Variants in GRID2 observed in about 807,000 individuals in gnomAD.
The protein encoded by GRID2 is glutamate receptor ionotropic, delta-2.
Under a neutral mutation model 114.8 loss-of-function variants are expected in GRID2, and 33 were observed. That is an observed-to-expected ratio of 0.29 (90% CI 0.22 to 0.38). The LOEUF (loss-of-function observed/expected upper bound fraction) is 0.38. Ranked by LOEUF, GRID2 falls within the 10% of genes least tolerant of loss-of-function variation. The pLI is 1.00. For synonymous variants in GRID2, 505 were observed against 449.9 expected (o/e 1.12, Z -1.55); for missense variants, 1,184 against 1,257.7 (o/e 0.94, Z 0.89).
intron 13 of GRID2, among the ~76,000 whole-genome samples, chr4:93,570,933 G>T (rs1735875141): frequency 6.6e-6 from 1 of 152,090 alleles, no homozygotes; most frequent in Non-Finnish European, 1.5e-5. Context: ...AATCCCTAAA[G>T]AAAACTACTT....
intron 14 of GRID2, among the ~76,000 whole-genome samples, chr4:93,739,395 T>C (rs1731187721): frequency 6.6e-6 from 1 of 152,054 alleles, no homozygotes; most frequent in Non-Finnish European, 1.5e-5. Flanking sequence ...TTGCACCCCC[T>C]CATCATGCCA....
intron 2 of GRID2, among the ~76,000 whole-genome samples, chr4:92,851,104 C>A (rs1743753871): frequency 6.6e-6 from 1 of 151,848 alleles, no homozygotes; most frequent in Non-Finnish European, 1.5e-5. Context: ...GTTTCAATAG[C>A]AAATATCCTT....
chr4:93,163,658 A>T (rs1402342045), intron 4 of GRID2, among the ~76,000 whole-genome samples: 1 of 151,462 alleles, frequency 6.6e-6, no homozygotes, highest in Non-Finnish European at 1.5e-5. Flanking sequence ...TATATTTTTT[A>T]TGATGGGCTG....
At chr4:93,236,993 G>A (rs979540799) in intron 7 of GRID2, among the ~76,000 whole-genome samples, 1 of 151,954 alleles carries the variant, frequency 6.6e-6, no homozygotes, top group African/African-American at 2.4e-5. Flanking sequence ...TTCTGTACAT[G>A]TATTATAAGA....
At chr4:92,927,683 C>A (rs1017807845) in intron 2 of GRID2, among the ~76,000 whole-genome samples, 1 of 151,710 alleles carries the variant, frequency 6.6e-6, no homozygotes, top group East Asian at 1.9e-4. Flanking sequence ...ATCCAAAAGA[C>A]AGAGCCATCA....
chr4:92,519,539 C>T (rs1724666533), intron 1 of GRID2, among the ~76,000 whole-genome samples: 1 of 151,108 alleles, frequency 6.6e-6, no homozygotes, highest in Non-Finnish European at 1.5e-5. Flanking sequence ...GTACTGAATC[C>T]CTCTGGGTCT....
At chr4:93,531,098 A>G (rs868125442) in intron 13 of GRID2, among the ~76,000 whole-genome samples, 40 of 152,138 alleles carry the variant, frequency 2.6e-4, no homozygotes, top group African/African-American at 9.4e-4. Context: ...TTATGTTTCA[A>G]GTGTGGCAAA....
At chr4:92,998,238 A>G (rs974198856) in intron 2 of GRID2, among the ~76,000 whole-genome samples, 4 of 152,116 alleles carry the variant, frequency 2.6e-5, no homozygotes, top group African/African-American at 9.6e-5. Flanking sequence ...AAATCATTTC[A>G]TTATTAAAAT....
At chr4:92,924,341 T>G (rs963951256) in intron 2 of GRID2, among the ~76,000 whole-genome samples, 1 of 151,844 alleles carries the variant, frequency 6.6e-6, no homozygotes, top group Non-Finnish European at 1.5e-5. Flanking sequence ...ATGGCACATG[T>G]ATACATATGT....
chr4:93,584,268 GA>G (rs1416901698), intron 13 of GRID2, among the ~76,000 whole-genome samples: 4 of 151,968 alleles, frequency 2.6e-5, no homozygotes, highest in Middle Eastern at 3.2e-3. Context: ...AAACAAACTA[GA>G]AAGCAATATT....
chr4:92,673,122 C>T (rs952498712), intron 2 of GRID2, among the ~76,000 whole-genome samples: 19 of 151,936 alleles, frequency 1.3e-4, no homozygotes, highest in Admixed American at 6.6e-4. Flanking sequence ...TTTTTTATTT[C>T]TTACTGTTTT....
At chr4:92,733,758 G>A (rs1278985759) in intron 2 of GRID2, among the ~76,000 whole-genome samples, 1 of 151,978 alleles carries the variant, frequency 6.6e-6, no homozygotes, top group African/African-American at 2.4e-5. Flanking sequence ...TAAGATCCTG[G>A]GGGCTGTGAT....
chr4:92,729,475 G>T (rs965940677), intron 2 of GRID2, among the ~76,000 whole-genome samples: 2 of 151,920 alleles, frequency 1.3e-5, no homozygotes, highest in African/African-American at 4.8e-5. Flanking sequence ...CTGCTTGAGT[G>T]GCTCAAATAA....
chr4:93,093,326 A>G (rs1418789541), intron 3 of GRID2, among the ~76,000 whole-genome samples: 1 of 152,024 alleles, frequency 6.6e-6, no homozygotes, highest in Non-Finnish European at 1.5e-5. Context: ...CACCAAGTCC[A>G]TAATCCCAAA....
intron 1 of GRID2, among the ~76,000 whole-genome samples, chr4:93,798,472 C>G (rs1267843635): frequency 6.6e-6 from 1 of 151,994 alleles, no homozygotes; most frequent in Non-Finnish European, 1.5e-5. Flanking sequence ...TTGGCACAAA[C>G]CTGGTTGGAG....
chr4:92,944,191 A>G (rs1461196907), intron 2 of GRID2, among the ~76,000 whole-genome samples: 7 of 152,204 alleles, frequency 4.6e-5, no homozygotes, highest in Non-Finnish European at 1.0e-4. Flanking sequence ...TGGAGTCTAC[A>G]GAGGCAGGCA....
intron 2 of GRID2, among the ~76,000 whole-genome samples, chr4:92,898,307 T>G (rs561002945): frequency 6.6e-6 from 1 of 152,196 alleles, no homozygotes; most frequent in Non-Finnish European, 1.5e-5. Context: ...AGAAATATAG[T>G]TACACATCCA....
intron 4 of GRID2, among the ~76,000 whole-genome samples, chr4:93,182,184 T>A (rs991445445): frequency 1.3e-5 from 2 of 152,160 alleles, no homozygotes; most frequent in African/African-American, 4.8e-5. Context: ...ATCTAAATGG[T>A]AGATTCCTTA....
intron 2 of GRID2, among the ~76,000 whole-genome samples, chr4:93,007,336 G>C (rs1721644509): frequency 6.6e-6 from 1 of 151,758 alleles, no homozygotes; most frequent in Non-Finnish European, 1.5e-5. Flanking sequence ...TAGTTCTTAA[G>C]GATATTTTAA....
Sources: allele counts gnomAD v4.1 joint callset (sites outside exome capture counted in the v4.1 genomes callset), GRCh38; gene constraint gnomAD v4.1.1; transcripts MANE v1.5; gene names NCBI Gene and HGNC (gene_info 2026-07-23, HGNC 2026-07-21).